PKIB: variants seen among roughly 807,000 people sequenced by gnomAD.
The protein encoded by PKIB is PKI-beta.
Under a neutral mutation model 4.5 loss-of-function variants are expected in PKIB, and 2 were observed. That is an observed-to-expected ratio of 0.44 (90% confidence interval 0.18 to 1.39). PKIB has a LOEUF of 1.39. PKIB is among the 40% of genes most tolerant of loss of function. The pLI, the probability that PKIB is intolerant of heterozygous loss-of-function variation, is 0.27. For missense variants in PKIB, 94 were observed against 92.6 expected (o/e 1.02, Z -0.06); for synonymous variants, 38 against 36.0 (o/e 1.06, Z -0.20).
intron 3 of PKIB, among the ~76,000 whole-genome samples, chr6:122,691,899 C>T (rs1778370406): frequency 6.6e-6 from 1 of 152,200 alleles, no homozygotes; most frequent in Admixed American, 6.5e-5. Flanking sequence ...ATCTGCATTA[C>T]AGGGTACCCC....
chr6:122,617,917 G>A (rs1775062267), intron 1 of PKIB, among the ~76,000 whole-genome samples: 1 of 151,996 alleles, frequency 6.6e-6, no homozygotes, highest in African/African-American at 2.4e-5. Context: ...TTACATTAAT[G>A]TAACAATGGT....
At chr6:122,590,061 G>A (rs1773970741) in intron 3 of PKIB, among the ~76,000 whole-genome samples, 1 of 152,136 alleles carries the variant, frequency 6.6e-6, no homozygotes, top group South Asian at 2.1e-4. Flanking sequence ...AACAAAAGGG[G>A]GATTTTAAAT....
At chr6:122,585,713 G>C (rs1270030350) in intron 2 of PKIB, among the ~76,000 whole-genome samples, 1 of 152,044 alleles carries the variant, frequency 6.6e-6, no homozygotes, top group Non-Finnish European at 1.5e-5. Context: ...CTTTACTTCT[G>C]GTCCAATGTT....
At chr6:122,545,488 T>C (rs1372415475) in intron 2 of PKIB, among the ~76,000 whole-genome samples, 1 of 151,728 alleles carries the variant, frequency 6.6e-6, no homozygotes, top group Non-Finnish European at 1.5e-5. Flanking sequence ...AGGTTTGTTA[T>C]GTGGGTAAAT....
chr6:122,535,859 T>C (rs1033780384), intron 2 of PKIB, among the ~76,000 whole-genome samples: 2 of 152,218 alleles, frequency 1.3e-5, no homozygotes, highest in African/African-American at 4.8e-5. Context: ...ACAAGTACTG[T>C]ACTTGGCACT....
chr6:122,548,372 A>T (rs2114650434), intron 2 of PKIB, among the ~76,000 whole-genome samples: 2 of 152,108 alleles, frequency 1.3e-5, no homozygotes, highest in Middle Eastern at 6.8e-3. Context: ...CTAAAGCATT[A>T]AAAAAAATAA....
chr6:122,640,606 C>G (rs183280096), intron 2 of PKIB, among the ~76,000 whole-genome samples: 2 of 152,266 alleles, frequency 1.3e-5, no homozygotes, highest in Admixed American at 6.5e-5. Context: ...TAATCAATTC[C>G]TATTTTTCAA....
chr6:122,597,900 G>A (rs913176309), intron 3 of PKIB, among the ~76,000 whole-genome samples: 11 of 152,190 alleles, frequency 7.2e-5, no homozygotes, highest in South Asian at 6.2e-4. Flanking sequence ...CCTGACCTCC[G>A]TAAGCCCCTA....
chr6:122,523,782 C>T (rs994796403), intron 2 of PKIB, among the ~76,000 whole-genome samples: 54 of 148,754 alleles, frequency 3.6e-4, no homozygotes, highest in Non-Finnish European at 6.7e-4. Context: ...AACTCGGTAT[C>T]AAGAAAAAAA....
intron 3 of PKIB, among the ~76,000 whole-genome samples, chr6:122,695,350 T>C (rs1219658134): frequency 1.3e-5 from 2 of 152,178 alleles, no homozygotes; most frequent in Non-Finnish European, 2.9e-5. Context: ...TAAATGTGTG[T>C]GTGTTCATGG....
intron 2 of PKIB, among the ~76,000 whole-genome samples, chr6:122,575,482 C>A (rs1395007303): frequency 6.6e-6 from 1 of 151,902 alleles, no homozygotes; most frequent in Non-Finnish European, 1.5e-5. Context: ...TTTAAAGCAG[C>A]ACAATTTGCA....
intron 2 of PKIB, among the ~76,000 whole-genome samples, chr6:122,506,182 T>C (rs1274905882): frequency 1.3e-5 from 2 of 152,174 alleles, no homozygotes; most frequent in East Asian, 3.8e-4. Flanking sequence ...GTAACACAGA[T>C]GTTTTTTCAC....
intron 2 of PKIB, among the ~76,000 whole-genome samples, chr6:122,503,221 C>G (rs757006546): frequency 6.6e-6 from 1 of 152,156 alleles, no homozygotes; most frequent in Non-Finnish European, 1.5e-5. Flanking sequence ...TATAAATTTG[C>G]AGGGGACATG....
intron 2 of PKIB, chr6:122,643,655 C>G (rs1362560498): frequency 6.6e-6 from 1 of 152,130 alleles, no homozygotes; most frequent in Non-Finnish European, 1.5e-5. Context: ...TTTTGATTAA[C>G]TTAATGTCAA....
At chr6:122,506,948 G>A (rs868260035) in intron 2 of PKIB, among the ~76,000 whole-genome samples, 49 of 151,880 alleles carry the variant, frequency 3.2e-4, no homozygotes, top group African/African-American at 7.2e-4. Flanking sequence ...TGATCCGCCC[G>A]CCTCGGCCTC....
chr6:122,636,618 G>A (rs1582762229), intron 2 of PKIB, among the ~76,000 whole-genome samples: 2 of 152,038 alleles, frequency 1.3e-5, no homozygotes, highest in East Asian at 1.9e-4. Context: ...AATAATAGAT[G>A]TTGTACACGT....
intron 2 of PKIB, among the ~76,000 whole-genome samples, chr6:122,637,304 A>C (rs935707024): frequency 6.6e-6 from 1 of 152,202 alleles, no homozygotes; most frequent in African/African-American, 2.4e-5. Flanking sequence ...GAATTAATGA[A>C]TCAATAAATT....
At chr6:122,637,687 C>A (rs534469245) in intron 2 of PKIB, among the ~76,000 whole-genome samples, 3 of 150,628 alleles carry the variant, frequency 2.0e-5, no homozygotes, top group Non-Finnish European at 4.4e-5. Flanking sequence ...ACTCAGGAGA[C>A]GGAGCTTGCA....
chr6:122,590,546 C>A (rs1236279127), intron 3 of PKIB, among the ~76,000 whole-genome samples: 1 of 152,082 alleles, frequency 6.6e-6, no homozygotes, highest in Admixed American at 6.5e-5. Flanking sequence ...TTTTTTCTCC[C>A]TCCAGTGGAA....
Sources: gnomAD v4.1 joint callset for allele counts (sites outside exome capture counted in the v4.1 genomes callset) on GRCh38, gnomAD v4.1.1 for gene constraint, MANE v1.5 for transcripts, NCBI Gene and HGNC (gene_info 2026-07-23, HGNC 2026-07-21) for gene names.